RNF180: variants seen among roughly 807,000 people sequenced by gnomAD.
RNF180 encodes the protein E3 ubiquitin-protein ligase RNF180.
Under a neutral mutation model 59.2 loss-of-function variants are expected in RNF180, and 38 were observed. The ratio of observed to expected loss-of-function variants is 0.64; its 90% confidence interval spans 0.50 to 0.84. The LOEUF (loss-of-function observed/expected upper bound fraction) is 0.84. Among genes scored for constraint, RNF180 ranks in the 40% least tolerant of loss-of-function variants. RNF180 has a pLI of 0.00. For synonymous variants in RNF180, 262 were observed against 240.3 expected (o/e 1.09, Z -0.84); for missense variants, 705 against 700.9 (o/e 1.01, Z -0.07).
chr5:64,363,381 T>C (rs1489575828), intron 7 of RNF180, among the ~76,000 whole-genome samples: 2 of 151,872 alleles, frequency 1.3e-5, no homozygotes. Context: ...CATGTCAGCT[T>C]TGTTGAAAAT....
At chr5:64,217,578 C>G (rs189843904) in intron 5 of RNF180, 182 bp downstream of exon 5, 2 of 961,594 alleles carry the variant, frequency 2.1e-6, no homozygotes, top group African/African-American at 3.4e-5. Context: ...CACATCATGA[C>G]TTTAATTTGC....
chr5:64,254,137 T>C (rs1399437970), intron 5 of RNF180, among the ~76,000 whole-genome samples: 1 of 152,102 alleles, frequency 6.6e-6, no homozygotes, highest in Non-Finnish European at 1.5e-5. Flanking sequence ...ACATAAAAGG[T>C]TGAAAAATCA....
intron 7 of RNF180, among the ~76,000 whole-genome samples, chr5:64,367,888 TA>T (rs1490476606): frequency 4.1e-4 from 62 of 151,816 alleles, no homozygotes; most frequent in African/African-American, 1.5e-3. Flanking sequence ...AGCAGATAAG[TA>T]AAAAGCAAAA....
intron 1 of RNF180, among the ~76,000 whole-genome samples, chr5:64,198,932 C>G (rs150761859): frequency 4.6e-5 from 7 of 152,080 alleles, no homozygotes; most frequent in Non-Finnish European, 4.4e-5. Context: ...TCTCCTGCCT[C>G]AGCCTCCCAA....
chr5:64,278,049 T>C (rs1005734614), intron 5 of RNF180, among the ~76,000 whole-genome samples: 2 of 152,202 alleles, frequency 1.3e-5, no homozygotes, highest in African/African-American at 4.8e-5. Flanking sequence ...TTTCATTGTT[T>C]GCTATAATGT....
intron 5 of RNF180, among the ~76,000 whole-genome samples, chr5:64,271,274 C>A (rs1172988765): frequency 1.3e-5 from 2 of 151,954 alleles, no homozygotes; most frequent in African/African-American, 2.4e-5. Context: ...TTAAACTGAA[C>A]CCTCTTTAAT....
intron 5 of RNF180, among the ~76,000 whole-genome samples, chr5:64,265,072 T>A: frequency 6.6e-6 from 1 of 152,122 alleles, no homozygotes; most frequent in East Asian, 1.9e-4. Context: ...TTTGATGAGG[T>A]TGTTTGTTTT....
At chr5:64,360,383 C>T (rs1746203104) in intron 7 of RNF180, among the ~76,000 whole-genome samples, 1 of 151,738 alleles carries the variant, frequency 6.6e-6, no homozygotes, top group Admixed American at 6.6e-5. Context: ...GCTAAAAACT[C>T]TCAATAAATT....
intron 5 of RNF180, among the ~76,000 whole-genome samples, chr5:64,290,469 A>T: frequency 6.6e-6 from 1 of 152,186 alleles, no homozygotes; most frequent in Non-Finnish European, 1.5e-5. Context: ...TAATATTGTC[A>T]GTGAGGTGTT....
chr5:64,326,639 G>A (rs1373416987), intron 6 of RNF180, among the ~76,000 whole-genome samples: 3 of 152,016 alleles, frequency 2.0e-5, no homozygotes, highest in Admixed American at 6.6e-5. Flanking sequence ...TGAATTTATC[G>A]AACCATCCTT....
chr5:64,284,924 A>G (rs1742203387), intron 5 of RNF180, among the ~76,000 whole-genome samples: 1 of 152,160 alleles, frequency 6.6e-6, no homozygotes, highest in Admixed American at 6.5e-5. Flanking sequence ...GAGTTCTTGC[A>G]CTGTTTCTTT....
At chr5:64,285,236 G>A (rs577612573) in intron 5 of RNF180, among the ~76,000 whole-genome samples, 1 of 152,276 alleles carries the variant, frequency 6.6e-6, no homozygotes, top group South Asian at 2.1e-4. Flanking sequence ...ATTATACTTT[G>A]TTTGGGGGTG....
chr5:64,224,494 T>A (rs1741552068), intron 5 of RNF180, among the ~76,000 whole-genome samples: 1 of 152,120 alleles, frequency 6.6e-6, no homozygotes, highest in Admixed American at 6.5e-5. Context: ...GGAAAGAGAA[T>A]GGGAGGGAGA....
chr5:64,262,751 G>A (rs1379593153), intron 5 of RNF180, among the ~76,000 whole-genome samples: 1 of 152,164 alleles, frequency 6.6e-6, no homozygotes, highest in Non-Finnish European at 1.5e-5. Context: ...ATTCATTTTG[G>A]CCTTATTTAT....
At chr5:64,312,929 T>C (rs1289653843) in intron 5 of RNF180, among the ~76,000 whole-genome samples, 4 of 152,158 alleles carry the variant, frequency 2.6e-5, no homozygotes, top group African/African-American at 9.6e-5. Context: ...GATTGATCTA[T>C]AAAATGGTAC....
intron 1 of RNF180, among the ~76,000 whole-genome samples, chr5:64,177,499 G>T (rs1381682051): frequency 3.4e-5 from 4 of 116,762 alleles, no homozygotes; most frequent in Admixed American, 9.6e-5. Flanking sequence ...TCTCTATCTA[G>T]ATTTTTTTCA....
intron 5 of RNF180, among the ~76,000 whole-genome samples, chr5:64,259,739 A>G (rs1282006362): frequency 6.6e-6 from 1 of 152,094 alleles, no homozygotes; most frequent in Non-Finnish European, 1.5e-5. Context: ...CCCGACCAAC[A>G]TGGAGAAGCC....
chr5:64,300,753 G>T (rs187473065), intron 5 of RNF180, among the ~76,000 whole-genome samples: 57 of 151,880 alleles, frequency 3.8e-4, no homozygotes, highest in African/African-American at 1.3e-3. Context: ...ACAGCTAAGG[G>T]AGAGATGCTT....
At position 64,329,735 on chromosome 5, in the gene RNF180, G is replaced by A. The variant is rs1216060309; in HGVS notation, c.1454-546G>A. ...AACATCCCAAAGTGCTGGGATTACA[G>A]GCGCATTAATTAGATTCTTACAAGG... On this transcript the variant is annotated intron_variant, in intron 6 of 7. Coordinates refer to ENST00000389100, the MANE Select transcript of RNF180 (RefSeq NM_001113561.2). Among the ~76,000 whole-genome samples, 12 of 152,336 alleles carry A rather than the reference G, an allele frequency of 7.9e-5. 1 individual carries two copies. In the South Asian group the frequency reaches 2.3e-3, roughly 29 times the overall value.
Sources: gnomAD v4.1 joint callset for allele counts (sites outside exome capture counted in the v4.1 genomes callset) on GRCh38, gnomAD v4.1.1 for gene constraint, MANE v1.5 for transcripts, NCBI Gene and HGNC (gene_info 2026-07-23, HGNC 2026-07-21) for gene names.